The following UBE2D3 variants were observed in gnomAD, a reference collection of about 807,000 sequenced individuals.
The protein encoded by UBE2D3 is ubiquitin conjugating enzyme E2 D3.
A neutral mutation model predicts 22.8 loss-of-function variants in UBE2D3; 2 were observed. The observed-to-expected ratio is 0.09, with a 90% CI of 0.04 to 0.28. The LOEUF (loss-of-function observed/expected upper bound fraction) is 0.28. UBE2D3 is among the 10% of genes least tolerant of loss of function. The probability of loss-of-function intolerance (pLI) is 1.00; values close to 1 mark genes in which losing one functional copy is unlikely to be tolerated. For synonymous variants in UBE2D3, 56 were observed against 60.4 expected (o/e 0.93, Z 0.34); for missense variants, 27 against 182.5 (o/e 0.15, Z 4.91).
At chr4:102,809,378 C>G in intron 4 of UBE2D3, 1 of 340,318 alleles carries the variant, frequency 2.9e-6, no homozygotes, top group South Asian at 3.3e-5. Flanking sequence ...ACAGGAAGTT[C>G]CATGACAATG....
intron 1 of UBE2D3, among the ~76,000 whole-genome samples, chr4:102,865,638 G>A (rs1733114241): frequency 6.6e-6 from 1 of 152,158 alleles, no homozygotes; most frequent in Non-Finnish European, 1.5e-5. Context: ...GGGCAAAGAT[G>A]TCAAGAGCAG....
At chr4:102,827,132 C>T (rs1171433377) in intron 1 of UBE2D3, 1 of 986,524 alleles carries the variant, frequency 1.0e-6, no homozygotes, top group East Asian at 1.1e-4. Context: ...TGTGTCACCC[C>T]TGACGCCACC....
chr4:102,827,710 C>CT (rs1366733582), upstream of UBE2D3: 1 of 931,682 alleles, frequency 1.1e-6, no homozygotes, highest in Non-Finnish European at 1.2e-6. Context: ...GTGTCAAGCC[C>CT]TTTTCCTTCT....
At position 102,809,799 on chromosome 4, in the gene UBE2D3, C is replaced by A. The variant is rs1169717214; in HGVS notation, c.81G>T (p.Gly27=). The change falls in exon 3 of 8, where the codon GGG becomes GGT. Residue 27 remains glycine (G), a synonymous_variant. Coordinates refer to ENST00000453744, the MANE Select transcript of UBE2D3 (RefSeq NM_181891.3). ...AACTTGCAAGTTACTTACTATCATC[C>A]CCAACTGGACCTGCAGAACATTGTG... ...PPAQCSAGPV[G]DDMFHWQATI... is the part of the protein sequence containing the mutation. 6.2e-7 allele frequency: 1 copy of A among 1,613,828 alleles called. No homozygotes were observed. Among genetic ancestry groups the A allele is most frequent in the Non-Finnish European group, 8.5e-7 (1 of 1,179,952 alleles).
rs145132218 is a variant in UBE2D3 at position 102,807,337 on chromosome 4, C to T, written c.120+2335G>A. Among the ~76,000 whole-genome samples the T allele has an allele frequency of 2.2e-4, 34 of 152,264 alleles. No individual in the cohort carries two copies. In the South Asian group the frequency reaches 5.6e-3, roughly 25 times the overall value. On this transcript the variant is annotated intron_variant, in intron 4 of 7. Transcript: ENST00000453744. ...AACAAAATGAGTTGTTTCATTGGTG[C>T]ACTCCACAGTAAGCATATAGTTAAC...
intron 1 of UBE2D3, among the ~76,000 whole-genome samples, chr4:102,853,705 T>C (rs537002609): frequency 6.6e-6 from 1 of 152,278 alleles, no homozygotes; most frequent in African/African-American, 2.4e-5. Flanking sequence ...TATGAGAAAT[T>C]GGTGAACAGG....
intron 7 of UBE2D3, among the ~76,000 whole-genome samples, chr4:102,797,815 T>C (rs1054936746): frequency 2.0e-5 from 3 of 152,014 alleles, no homozygotes; most frequent in Non-Finnish European, 4.4e-5. Context: ...TAAAATAGTA[T>C]ACACATTCTA....
At chr4:102,860,013 T>A (rs1429963244) in intron 1 of UBE2D3, among the ~76,000 whole-genome samples, 2 of 151,760 alleles carry the variant, frequency 1.3e-5, no homozygotes, top group Non-Finnish European at 2.9e-5. Flanking sequence ...TCCTGGCTAA[T>A]TTTTTTTGTA....
intron 1 of UBE2D3, among the ~76,000 whole-genome samples, chr4:102,837,344 C>G (rs1731465585): frequency 1.3e-5 from 2 of 152,166 alleles, no homozygotes; most frequent in African/African-American, 4.8e-5. Context: ...AATAAATACT[C>G]AAAACTCACT....
At chr4:102,798,814 A>G in intron 7 of UBE2D3, 2 of 916,888 alleles carry the variant, frequency 2.2e-6, no homozygotes, top group South Asian at 3.2e-5. Flanking sequence ...TACAGTTTTC[A>G]GAAGACTGCC....
Position 102,809,853 on chromosome 4 carries a change from T to C in UBE2D3, c.27A>G (p.Glu9=). The C allele has an allele frequency of 1.2e-6, 2 of 1,613,416 alleles. No homozygotes were observed. The highest frequency in any genetic ancestry group is 2.2e-5 in the South Asian group (2 of 91,014). The change falls in exon 3 of 8, where the codon GAA becomes GAG. Residue 9 remains glutamate (E), a splice_region_variant and synonymous_variant. Transcript: ENST00000453744. The part of the protein sequence containing the change: MALKRINK[E]LSDLARDPPA... ...GAGGGTCACGGGCCAAATCACTAAG[T>C]TCCTACACCAAGACAGAAAATGGGT...
At chr4:102,819,167 C>T (rs929027548) in intron 2 of UBE2D3, among the ~76,000 whole-genome samples, 1 of 151,918 alleles carries the variant, frequency 6.6e-6, no homozygotes, top group Non-Finnish European at 1.5e-5. Flanking sequence ...CCCATCTCTA[C>T]TAAAATATAA....
intron 2 of UBE2D3, among the ~76,000 whole-genome samples, chr4:102,820,361 T>A (rs907953564): frequency 6.6e-6 from 1 of 152,216 alleles, no homozygotes; most frequent in Non-Finnish European, 1.5e-5. Context: ...ATGAACAATT[T>A]CACAAAACTC....
chr4:102,858,766 A>G (rs2110376673), intron 1 of UBE2D3, among the ~76,000 whole-genome samples: 1 of 152,052 alleles, frequency 6.6e-6, no homozygotes, highest in Admixed American at 6.6e-5. Flanking sequence ...ATCATTTATG[A>G]TAATAACAAC....
At chr4:102,825,097 T>C (rs1235241178) in intron 2 of UBE2D3, 1 of 298,262 alleles carries the variant, frequency 3.4e-6, no homozygotes, top group East Asian at 1.7e-4. Context: ...GAAACACCAA[T>C]CTTGCCAAAT....
intron 2 of UBE2D3, among the ~76,000 whole-genome samples, chr4:102,824,245 C>T (rs1009578130): frequency 2.6e-5 from 4 of 152,132 alleles, no homozygotes; most frequent in African/African-American, 9.7e-5. Context: ...CAAAAGGAGA[C>T]AACCTGGTTA....
rs1725265661 is a variant in UBE2D3 at position 102,796,291 on chromosome 4, A to C, written c.*1124T>G. ...TTCTTAAACTCCATAAACACATTTC[A>C]AAACTGCTGGGTCCCAAAAGTCCAT... is the stretch of plus-strand genomic sequence containing the variant. On this transcript the variant is annotated 3_prime_UTR_variant, in exon 8 of 8. Transcript: ENST00000453744. 6.6e-6 allele frequency: 1 copy of C among 152,450 alleles called. No individual in the cohort carries two copies. The highest frequency in any genetic ancestry group is 2.1e-4 in the South Asian group (1 of 4,834). The allele number at this position is 152,450 out of a possible 1,614,324, so 9.4% of individuals were successfully genotyped here.
chr4:102,868,072 C>CTTT (rs11418599), intron 1 of UBE2D3, among the ~76,000 whole-genome samples: 39,128 of 114,630 alleles, frequency 0.34, 7,972 homozygotes, highest in African/African-American at 0.43. Context: ...GCTTTAGATT[C>CTTT]TTTTTTTTTT....
At chr4:102,812,172 A>C (rs1361290823) in intron 2 of UBE2D3, 1 of 156,090 alleles carries the variant, frequency 6.4e-6, no homozygotes, top group Non-Finnish European at 1.4e-5. Flanking sequence ...ATGTGCCTGT[A>C]GTCCCAGCTA....
Sources: gnomAD v4.1 joint callset for allele counts (sites outside exome capture counted in the v4.1 genomes callset) on GRCh38, gnomAD v4.1.1 for gene constraint, MANE v1.5 for transcripts, NCBI Gene and HGNC (gene_info 2026-07-23, HGNC 2026-07-21) for gene names.